The following CAMTA1 variants were observed in gnomAD, a reference collection of about 807,000 sequenced individuals.
CAMTA1 encodes the protein calmodulin binding transcription activator 1.
A neutral mutation model predicts 170.9 loss-of-function variants in CAMTA1; 27 were observed. The ratio of observed to expected loss-of-function variants is 0.16; its 90% CI spans 0.12 to 0.22. The LOEUF is 0.22. Among genes scored for constraint, CAMTA1 ranks in the 10% least tolerant of loss-of-function variants. The pLI is 1.00. For missense variants in CAMTA1, 1,619 were observed against 2,217.2 expected, an observed-to-expected ratio of 0.73 and a Z score of 5.42; for synonymous variants, 833 against 891.5, an observed-to-expected ratio of 0.93 and a Z score of 1.17.
At position 7,527,180 on chromosome 1, in the gene CAMTA1, G is replaced by C. The variant is rs562040794; in HGVS notation, c.510+59279G>C. ...GATCAGCTTTATATCTGATGATCTCGTTTGACTCATACCCTAACCCCATGA... is the reference window on the plus strand; with the variant it reads ...GATCAGCTTTATATCTGATGATCTCCTTTGACTCATACCCTAACCCCATGA... On this transcript the variant is annotated intron_variant, in intron 6 of 22. Coordinates refer to ENST00000303635, the MANE Select transcript of CAMTA1 (RefSeq NM_015215.4). Among the ~76,000 whole-genome samples, 146 of 152,294 alleles carry C rather than the reference G, an allele frequency of 9.6e-4. 1 individual carries two copies. Among genetic ancestry groups the C allele is most frequent in the Middle Eastern group, 6.8e-3 (2 of 294 alleles).
chr1:7,297,769 C>T (rs1005258022), intron 5 of CAMTA1, among the ~76,000 whole-genome samples: 1 of 152,218 alleles, frequency 6.6e-6, no homozygotes, highest in African/African-American at 2.4e-5. Context: ...GCTGGGCAAA[C>T]ATGGGGCTTA....
chr1:7,017,386 A>G (rs746607417), intron 3 of CAMTA1, among the ~76,000 whole-genome samples: 1 of 152,238 alleles, frequency 6.6e-6, no homozygotes, highest in Non-Finnish European at 1.5e-5. Flanking sequence ...GTGAACTCAC[A>G]TACTCATACA....
At chr1:7,643,732 T>G (rs565770435) in intron 7 of CAMTA1, among the ~76,000 whole-genome samples, 2 of 152,378 alleles carry the variant, frequency 1.3e-5, no homozygotes, top group Admixed American at 6.5e-5. Context: ...TCTGGTGTCT[T>G]GGGCTGGGGG....
At chr1:7,382,320 T>C (rs952969352) in intron 5 of CAMTA1, among the ~76,000 whole-genome samples, 1 of 152,228 alleles carries the variant, frequency 6.6e-6, no homozygotes, top group Non-Finnish European at 1.5e-5. Flanking sequence ...CTTGGGTGAA[T>C]TGGGATATGT....
chr1:7,124,088 C>T lies in CAMTA1; in HGVS notation c.302+32717C>T, dbSNP rs147508050. On this transcript the variant is annotated intron_variant, in intron 4 of 22. Coordinates refer to ENST00000303635, the MANE Select transcript of CAMTA1 (RefSeq NM_015215.4). The stretch of plus-strand genomic sequence containing the variant: ...AGCTATAGTGGTGTTTCCAGGTAGC[C>T]TGCTGGGTGCCTTGTCATTCTCCGC... 1.3e-4 allele frequency among the ~76,000 whole-genome samples: 20 copies of T among 152,278 alleles called. No homozygotes were observed. The East Asian group carries it at 3.5e-3, about 27-fold the overall frequency.
chr1:7,503,136 TGAGGTAAATCCAGGCACAAGCCCTA>T (rs1300235042), intron 6 of CAMTA1, among the ~76,000 whole-genome samples: 5 of 152,026 alleles, frequency 3.3e-5, no homozygotes, highest in Non-Finnish European at 5.9e-5. Flanking sequence ...CTCTGGCTTG[TGAGGTAAATCCAGGCACAAGCCCTA>T]GAAGCCTTGG....
intron 5 of CAMTA1, among the ~76,000 whole-genome samples, chr1:7,361,439 C>T (rs908852366): frequency 3.9e-5 from 6 of 152,088 alleles, no homozygotes; most frequent in South Asian, 2.1e-4. Context: ...ATTTGTTGGG[C>T]GAGTCAAAGC....
chr1:7,393,076 G>A (rs1479782318), intron 5 of CAMTA1, among the ~76,000 whole-genome samples: 1 of 150,394 alleles, frequency 6.6e-6, no homozygotes, highest in Non-Finnish European at 1.5e-5. Flanking sequence ...AAAAGTTTTA[G>A]TTGCTCCACA....
At chr1:7,220,177 A>C (rs1367054891) in intron 4 of CAMTA1, among the ~76,000 whole-genome samples, 1 of 152,220 alleles carries the variant, frequency 6.6e-6, no homozygotes, top group Non-Finnish European at 1.5e-5. Context: ...TGCGTGGCTT[A>C]GGGAATGCGC....
intron 5 of CAMTA1, among the ~76,000 whole-genome samples, chr1:7,298,626 A>G (rs1448882804): frequency 4.6e-5 from 7 of 152,170 alleles, no homozygotes; most frequent in Non-Finnish European, 8.8e-5. Context: ...GGTCTCTTGT[A>G]TATTAGAATT....
chr1:7,185,594 A>T (rs1196569424), intron 4 of CAMTA1, among the ~76,000 whole-genome samples: 1 of 152,222 alleles, frequency 6.6e-6, no homozygotes, highest in Non-Finnish European at 1.5e-5. Context: ...TCAAAGGGGG[A>T]ATTACAATTT....
At chr1:7,101,980 T>C in intron 4 of CAMTA1, among the ~76,000 whole-genome samples, 1 of 150,596 alleles carries the variant, frequency 6.6e-6, no homozygotes, top group Admixed American at 6.6e-5. Flanking sequence ...AGCACAGAAA[T>C]ACACATACAT....
At chr1:7,374,065 C>G (rs899050950) in intron 5 of CAMTA1, among the ~76,000 whole-genome samples, 3 of 152,224 alleles carry the variant, frequency 2.0e-5, no homozygotes, top group African/African-American at 4.8e-5. Context: ...GCCTCCCCGC[C>G]TCACTGGCAA....
At chr1:7,181,853 A>G (rs1242069413) in intron 4 of CAMTA1, among the ~76,000 whole-genome samples, 1 of 152,058 alleles carries the variant, frequency 6.6e-6, no homozygotes, top group Non-Finnish European at 1.5e-5. Flanking sequence ...GAGCTACACA[A>G]CTGATACTTA....
At chr1:7,037,428 G>A (rs753512663) in intron 3 of CAMTA1, among the ~76,000 whole-genome samples, 7 of 152,174 alleles carry the variant, frequency 4.6e-5, no homozygotes, top group Non-Finnish European at 7.3e-5. Context: ...TGGAATCAAC[G>A]AGGCATTTGT....
rs569330781 is a variant in CAMTA1, at chr1:7,044,695, G to A, written c.235-46609G>A. Reference sequence around the variant, plus strand: ...AAGCCTGTCCCTCCCCTCTCTGGGCGACCTTCCGAGGAGGCATCAGCTCTT... The same window carrying A: ...AAGCCTGTCCCTCCCCTCTCTGGGCAACCTTCCGAGGAGGCATCAGCTCTT... On this transcript the variant is annotated intron_variant, in intron 3 of 22. Transcript: ENST00000303635. The surrounding 1 kb of genome is among the most constrained non-coding windows in gnomAD (Gnocchi z 5.0). 6.8e-6 allele frequency among the ~76,000 whole-genome samples: 1 copy of A among 147,138 alleles called. No individual in the cohort carries two copies. Among genetic ancestry groups the A allele is most frequent in the East Asian group, 2.1e-4 (1 of 4,846 alleles).
At chr1:7,159,228 C>T (rs1647063906) in intron 4 of CAMTA1, among the ~76,000 whole-genome samples, 1 of 151,892 alleles carries the variant, frequency 6.6e-6, no homozygotes, top group Non-Finnish European at 1.5e-5. Context: ...GAATTTTGAC[C>T]TTATTTGATT....
At chr1:7,533,074 C>T (rs576281205) in intron 6 of CAMTA1, among the ~76,000 whole-genome samples, 164 of 152,328 alleles carry the variant, frequency 1.1e-3, no homozygotes, top group Admixed American at 1.7e-3. Context: ...GTTGGAGGTA[C>T]ACTCCTGGGT....
intron 1 of CAMTA1, among the ~76,000 whole-genome samples, chr1:6,795,322 G>A (rs1010699414): frequency 6.6e-6 from 1 of 151,964 alleles, no homozygotes; most frequent in African/African-American, 2.4e-5. Context: ...TGAGTGACTG[G>A]GACTACAGGT....
Sources: allele counts gnomAD v4.1 joint callset (sites outside exome capture counted in the v4.1 genomes callset), GRCh38; gene constraint gnomAD v4.1.1; non-coding constraint Gnocchi (gnomAD v3.1); transcripts MANE v1.5; gene names NCBI Gene and HGNC (gene_info 2026-07-23, HGNC 2026-07-21).